C12orf42: variants seen among roughly 807,000 people sequenced by gnomAD.
C12orf42 encodes uncharacterized protein C12orf42.
A neutral mutation model predicts 21.6 loss-of-function variants in C12orf42; 25 were observed. The observed-to-expected ratio is 1.16, with a 90% CI of 0.84 to 1.62. The LOEUF is 1.62. Among genes scored for constraint, C12orf42 ranks in the 40% most tolerant of loss-of-function variants. The probability of loss-of-function intolerance (pLI) is 0.00; values close to 1 mark genes in which losing one functional copy is unlikely to be tolerated. For synonymous variants in C12orf42, 174 were observed against 175.0 expected (o/e 0.99, Z 0.05); for missense variants, 483 against 459.3 (o/e 1.05, Z -0.47).
chr12:103,229,691 T>C, the C12orf42 span, among the ~76,000 whole-genome samples: 1 of 152,250 alleles, frequency 6.6e-6, no homozygotes, highest in African/African-American at 2.4e-5. Context: ...AATGACTATA[T>C]GGAAGTGTGT....
intron 4 of C12orf42, among the ~76,000 whole-genome samples, chr12:103,280,607 A>G (rs1408710168): frequency 6.6e-6 from 1 of 151,764 alleles, no homozygotes; most frequent in Non-Finnish European, 1.5e-5. Context: ...TGACAGAGTG[A>G]GACTCCATCT....
chr12:103,250,940 C>T (rs1467316609), intron 10 of C12orf42, among the ~76,000 whole-genome samples: 1 of 151,800 alleles, frequency 6.6e-6, no homozygotes, highest in African/African-American at 2.4e-5. Context: ...ACTCCCATGA[C>T]TTCAAACATT....
At chr12:103,164,701 C>T in the C12orf42 span, 1 of 455,132 alleles carries the variant, frequency 2.2e-6, no homozygotes, top group Non-Finnish European at 4.4e-6. Context: ...ATTCAAAGCT[C>T]TTGGAGAGCG....
Position 103,306,104 on chromosome 12 carries a change from C to CA in C12orf42, c.500dup (p.Leu167PhefsTer6), listed in dbSNP as rs1490045639. On this transcript the variant is annotated frameshift_variant, in exon 5 of 6. Transcript: ENST00000548883. LOFTEE classifies it high-confidence loss of function. ...AGTTAGGCTTTTTAACCAGTTGTTC[C>CA]AAAAATGAACTGTTCCAAGCCTGCT... The CA allele has an allele frequency of 1.2e-6, 2 of 1,613,800 alleles. No individual in the cohort carries two copies. The highest frequency in any genetic ancestry group is 1.7e-6 in the Non-Finnish European group (2 of 1,179,858).
the C12orf42 span, among the ~76,000 whole-genome samples, chr12:103,208,909 A>G: frequency 6.6e-6 from 1 of 150,808 alleles, no homozygotes; most frequent in South Asian, 2.1e-4. Flanking sequence ...CCTCATGAAC[A>G]GTTTCTTCCT....
the C12orf42 span, among the ~76,000 whole-genome samples, chr12:103,509,740 G>A: frequency 6.6e-6 from 1 of 152,242 alleles, no homozygotes; most frequent in Non-Finnish European, 1.5e-5. Context: ...TGCATGGGAA[G>A]TAAAGAGAAA....
chr12:103,224,262 T>A, the C12orf42 span, among the ~76,000 whole-genome samples: 3 of 152,132 alleles, frequency 2.0e-5, no homozygotes, highest in African/African-American at 7.2e-5. Context: ...GCCTGAATAA[T>A]CCCTGAGGAG....
At chr12:103,483,690 T>G (rs1954628401) in intron 1 of C12orf42, among the ~76,000 whole-genome samples, 2 of 152,148 alleles carry the variant, frequency 1.3e-5, no homozygotes, top group African/African-American at 4.8e-5. Flanking sequence ...TACTTTAAGT[T>G]CTAGGGTACA....
the C12orf42 span, among the ~76,000 whole-genome samples, chr12:103,146,127 T>C: frequency 6.6e-6 from 1 of 152,040 alleles, no homozygotes; most frequent in East Asian, 1.9e-4. Context: ...ATAATATATA[T>C]CTCCATACAT....
downstream of C12orf42, among the ~76,000 whole-genome samples, chr12:103,234,329 T>C (rs1264810999): frequency 6.6e-6 from 1 of 152,218 alleles, no homozygotes; most frequent in Admixed American, 6.5e-5. Context: ...AATTTTATTC[T>C]TCTCATTTTC....
the C12orf42 span, among the ~76,000 whole-genome samples, chr12:103,220,639 A>T: frequency 2.0e-5 from 3 of 152,108 alleles, no homozygotes; most frequent in Non-Finnish European, 4.4e-5. Context: ...GAGAGACAAA[A>T]CACACACAGA....
At chr12:103,266,898 A>G (rs890759955), downstream of C12orf42, among the ~76,000 whole-genome samples, 3 of 152,186 alleles carry the variant, frequency 2.0e-5, no homozygotes, top group Admixed American at 6.6e-5. Context: ...AATTCCAAGA[A>G]AGGTCAGACA....
chr12:103,267,947 C>A (rs1057088340), downstream of C12orf42: 2 of 151,908 alleles, frequency 1.3e-5, no homozygotes, highest in South Asian at 4.2e-4. Context: ...AATAGTCCTT[C>A]CTATATTAGA....
chr12:103,461,924 A>G (rs760431475), intron 2 of C12orf42, among the ~76,000 whole-genome samples: 14 of 152,140 alleles, frequency 9.2e-5, no homozygotes, highest in East Asian at 3.9e-4. Context: ...TGCAAATATA[A>G]TATGTTTCAA....
At chr12:103,283,327 C>T (rs1184576216) in intron 4 of C12orf42, among the ~76,000 whole-genome samples, 1 of 152,192 alleles carries the variant, frequency 6.6e-6, no homozygotes, top group Non-Finnish European at 1.5e-5. Context: ...TATCACTTCT[C>T]TGGACCACAG....
intron 2 of C12orf42, among the ~76,000 whole-genome samples, chr12:103,434,063 T>C (rs971916878): frequency 2.0e-5 from 3 of 152,212 alleles, no homozygotes; most frequent in Non-Finnish European, 4.4e-5. Flanking sequence ...AATGAAGACA[T>C]TGGTCACCCA....
At chr12:103,282,367 T>A (rs1348414544) in intron 4 of C12orf42, among the ~76,000 whole-genome samples, 3 of 152,244 alleles carry the variant, frequency 2.0e-5, no homozygotes, top group African/African-American at 7.2e-5. Flanking sequence ...GCTTATATGA[T>A]GAAGGTCCTC....
chr12:103,188,587 G>C, the C12orf42 span, among the ~76,000 whole-genome samples: 1 of 152,148 alleles, frequency 6.6e-6, no homozygotes, highest in Non-Finnish European at 1.5e-5. Context: ...TGGGCCATGG[G>C]GGTGGATCCC....
At chr12:103,358,610 C>CA (rs1400192557) in intron 4 of C12orf42, among the ~76,000 whole-genome samples, 10 of 148,944 alleles carry the variant, frequency 6.7e-5, no homozygotes, top group African/African-American at 2.5e-4. Flanking sequence ...TTGTTTCAAA[C>CA]CAAAAAAAAA....
Sources: allele counts gnomAD v4.1 joint callset (sites outside exome capture counted in the v4.1 genomes callset), GRCh38; gene constraint gnomAD v4.1.1; transcripts MANE v1.5; gene names NCBI Gene and HGNC (gene_info 2026-07-23, HGNC 2026-07-21).